The following RUNX1T1 variants were observed in gnomAD, a reference collection of about 807,000 sequenced individuals.
RUNX1T1 encodes the protein RUNX1 partner transcriptional co-repressor 1.
Under a neutral mutation model 62.8 loss-of-function variants are expected in RUNX1T1, and 4 were observed. That is an observed-to-expected ratio of 0.06 (90% confidence interval 0.03 to 0.15). The LOEUF is 0.15. RUNX1T1 is among the 10% of genes least tolerant of loss of function. The probability of loss-of-function intolerance (pLI) is 1.00; values close to 1 mark genes in which losing one functional copy is unlikely to be tolerated. For synonymous variants in RUNX1T1, 291 were observed against 286.0 expected (o/e 1.02, Z -0.18); for missense variants, 508 against 754.3 (o/e 0.67, Z 3.82).
At position 91,991,906 on chromosome 8, in the gene RUNX1T1, CAA is replaced by C; in HGVS notation, c.660-19_660-18del. The C allele has an allele frequency of 3.1e-6, 5 of 1,613,286 alleles. No individual in the cohort carries two copies. Among genetic ancestry groups the C allele is most frequent in the Non-Finnish European group, 3.4e-6 (4 of 1,179,378 alleles). On this transcript the variant is annotated intron_variant, in intron 5 of 10. Coordinates refer to ENST00000396218, the Ensembl canonical transcript of RUNX1T1. ...TCTTTGGTTCTAAAGGGGGAAAAAA[CAA>C]GAGTTTGTTTCATCATCTATTCAGA...
intron 1 of RUNX1T1, among the ~76,000 whole-genome samples, chr8:92,052,262 G>A (rs1031657592): frequency 1.8e-4 from 27 of 152,120 alleles, no homozygotes; most frequent in African/African-American, 6.0e-4. Flanking sequence ...CTGTGAAATT[G>A]AAGTCTACCT....
At chr8:91,990,427 G>A (rs1031107972) in intron 6 of RUNX1T1, among the ~76,000 whole-genome samples, 2 of 152,144 alleles carry the variant, frequency 1.3e-5, no homozygotes, top group Non-Finnish European at 2.9e-5. Flanking sequence ...GGAAAAAGAA[G>A]AGGAGACTGA....
At chr8:92,043,158 C>G (rs905315084) in intron 1 of RUNX1T1, among the ~76,000 whole-genome samples, 1 of 152,160 alleles carries the variant, frequency 6.6e-6, no homozygotes, top group Non-Finnish European at 1.5e-5. Context: ...ACATATTTCT[C>G]AGACCTCTTT....
intron 1 of RUNX1T1, among the ~76,000 whole-genome samples, chr8:92,076,700 T>C (rs917275434): frequency 6.6e-6 from 1 of 152,116 alleles, no homozygotes; most frequent in African/African-American, 2.4e-5. Flanking sequence ...AAAATATTAA[T>C]GAAACAAATA....
At chr8:92,051,602 ACTCTCT>A (rs34298111) in intron 1 of RUNX1T1, among the ~76,000 whole-genome samples, 4 of 140,838 alleles carry the variant, frequency 2.8e-5, no homozygotes, top group African/African-American at 5.5e-5. Flanking sequence ...ACACACACAC[ACTCTCT>A]CTCTCTCTCT....
At chr8:92,001,292 G>A (rs904301972) in intron 5 of RUNX1T1, among the ~76,000 whole-genome samples, 1 of 152,162 alleles carries the variant, frequency 6.6e-6, no homozygotes, top group African/African-American at 2.4e-5. Context: ...CACTTTGGGA[G>A]GCCAAGGTGG....
chr8:92,080,635 C>T (rs569698933), intron 1 of RUNX1T1, among the ~76,000 whole-genome samples: 3 of 152,234 alleles, frequency 2.0e-5, no homozygotes, highest in African/African-American at 7.2e-5. Context: ...TTGGACCCTA[C>T]ATTGATGCAC....
At chr8:91,955,454 A>G, downstream of RUNX1T1, 1 of 227,144 alleles carries the variant, frequency 4.4e-6, no homozygotes, top group Non-Finnish European at 8.8e-6. Context: ...TGTGGGAGTG[A>G]GGGTGTTTCC....
intron 1 of RUNX1T1, among the ~76,000 whole-genome samples, chr8:92,053,588 A>G (rs952177295): frequency 1.3e-5 from 2 of 152,220 alleles, no homozygotes; most frequent in African/African-American, 2.4e-5. Context: ...AGCCACCAAT[A>G]AAGTTGTGGG....
exon 1 of RUNX1T1, chr8:92,062,934 T>C: frequency 7.8e-7 from 1 of 1,283,256 alleles, no homozygotes; most frequent in Non-Finnish European, 1.0e-6. Flanking sequence ...AAATTCAGAA[T>C]GATAAGCTAA....
At chr8:92,030,181 T>C (rs1056661859) in intron 1 of RUNX1T1, among the ~76,000 whole-genome samples, 3 of 152,156 alleles carry the variant, frequency 2.0e-5, no homozygotes, top group African/African-American at 7.2e-5. Flanking sequence ...GAAGGCGTCC[T>C]TGACCTCTCC....
intron 2 of RUNX1T1, among the ~76,000 whole-genome samples, chr8:92,075,069 A>G (rs1834217170): frequency 6.6e-6 from 1 of 152,228 alleles, no homozygotes; most frequent in African/African-American, 2.4e-5. Flanking sequence ...GGTGGATGCT[A>G]GCAGTGATGT....
intron 8 of RUNX1T1, among the ~76,000 whole-genome samples, chr8:91,976,566 C>T (rs1813995110): frequency 6.6e-6 from 1 of 152,226 alleles, no homozygotes; most frequent in South Asian, 2.1e-4. Flanking sequence ...CACAGACATT[C>T]TGTTGAGCAG....
At chr8:92,031,720 T>G (rs1826261855) in intron 1 of RUNX1T1, among the ~76,000 whole-genome samples, 1 of 152,094 alleles carries the variant, frequency 6.6e-6, no homozygotes, top group Non-Finnish European at 1.5e-5. Flanking sequence ...TCCTCCTGCC[T>G]CGGCCTTCCA....
intron 8 of RUNX1T1, among the ~76,000 whole-genome samples, chr8:91,980,485 C>T (rs910966109): frequency 3.3e-5 from 5 of 152,154 alleles, no homozygotes. Flanking sequence ...AGATTTACTA[C>T]ATTTAAGACA....
chr8:91,985,774 C>T lies in RUNX1T1; in HGVS notation c.1198+350G>A, dbSNP rs968146850. 4.6e-5 allele frequency among the ~76,000 whole-genome samples: 7 copies of T among 152,248 alleles called. No homozygotes were observed. In the South Asian group the frequency reaches 6.2e-4, roughly 14 times the overall value. On this transcript the variant is annotated intron_variant, in intron 8 of 10. Transcript: ENST00000396218. ...TGGCAGAATTCACTAGAGACCTTGA[C>T]GGAAGTGCCTAAGCCCCAGGCCCAC...
At chr8:92,044,012 T>C (rs886219392) in intron 1 of RUNX1T1, among the ~76,000 whole-genome samples, 5 of 151,630 alleles carry the variant, frequency 3.3e-5, no homozygotes, top group Non-Finnish European at 1.5e-5. Context: ...AAGCTGAATT[T>C]ATGCCAAAGT....
upstream of RUNX1T1, among the ~76,000 whole-genome samples, chr8:92,067,499 C>T (rs149594698): frequency 6.6e-6 from 1 of 152,230 alleles, no homozygotes; most frequent in African/African-American, 2.4e-5. Flanking sequence ...TTGAAGATTC[C>T]AATGTTAAAA....
intron 9 of RUNX1T1, among the ~76,000 whole-genome samples, chr8:91,971,621 G>T (rs1012888463): frequency 6.6e-6 from 1 of 152,138 alleles, no homozygotes; most frequent in African/African-American, 2.4e-5. Flanking sequence ...TAGGTTAAAT[G>T]ATAGAGGTTT....
Sources: allele counts gnomAD v4.1 joint callset (sites outside exome capture counted in the v4.1 genomes callset), GRCh38; gene constraint gnomAD v4.1.1; transcripts MANE v1.5; gene names NCBI Gene and HGNC (gene_info 2026-07-23, HGNC 2026-07-21).